The following SCFD2 variants were observed in gnomAD, a reference collection of about 807,000 sequenced individuals.
The protein encoded by SCFD2 is sec1 family domain-containing protein 2.
SCFD2 carries 54 observed loss-of-function variants against 58.9 expected under a neutral mutation model. The ratio of observed to expected loss-of-function variants is 0.92; its 90% CI spans 0.74 to 1.15. SCFD2 has a LOEUF of 1.15. Ranked by LOEUF, SCFD2 falls within the 50% of genes most tolerant of loss-of-function variation. The pLI, the probability that SCFD2 is intolerant of heterozygous loss-of-function variation, is 0.00. For missense variants in SCFD2, 805 were observed against 836.6 expected, an observed-to-expected ratio of 0.96 and a Z score of 0.47; for synonymous variants, 321 against 335.9, an observed-to-expected ratio of 0.96 and a Z score of 0.49.
intron 5 of SCFD2, among the ~76,000 whole-genome samples, chr4:52,943,992 A>C (rs1012060753): frequency 6.6e-6 from 1 of 152,200 alleles, no homozygotes; most frequent in African/African-American, 2.4e-5. Context: ...AGGATGTCAA[A>C]ATGTTAAAAG....
chr4:53,191,968 TAACAGGGG>T (rs1727927628), intron 4 of SCFD2, among the ~76,000 whole-genome samples: 1 of 152,172 alleles, frequency 6.6e-6, no homozygotes, highest in South Asian at 2.1e-4. Flanking sequence ...CCACATGCCT[TAACAGGGG>T]AACAGTAATA....
At chr4:53,218,056 C>G (rs991107100) in intron 4 of SCFD2, among the ~76,000 whole-genome samples, 5 of 152,200 alleles carry the variant, frequency 3.3e-5, no homozygotes, top group African/African-American at 1.2e-4. Context: ...CCCGACCTTT[C>G]TCTCTGGCTG....
chr4:52,962,512 G>A (rs1380098777), intron 5 of SCFD2, among the ~76,000 whole-genome samples: 2 of 152,184 alleles, frequency 1.3e-5, no homozygotes, highest in Admixed American at 1.3e-4. Context: ...TCTCCTGAAG[G>A]TAGCACATTT....
At chr4:52,966,974 T>G (rs879654292) in intron 5 of SCFD2, among the ~76,000 whole-genome samples, 1 of 152,214 alleles carries the variant, frequency 6.6e-6, no homozygotes, top group Non-Finnish European at 1.5e-5. Flanking sequence ...AAGGCTGAAT[T>G]CTTGACCCAT....
intron 5 of SCFD2, among the ~76,000 whole-genome samples, chr4:53,045,980 C>A (rs1723028654): frequency 6.6e-6 from 1 of 151,998 alleles, no homozygotes; most frequent in African/African-American, 2.4e-5. Flanking sequence ...TGCTAACCAT[C>A]CCATCTTAAA....
chr4:53,090,073 A>T (rs992865960), intron 5 of SCFD2, among the ~76,000 whole-genome samples: 8 of 152,206 alleles, frequency 5.3e-5, no homozygotes, highest in African/African-American at 1.9e-4. Flanking sequence ...TTTGCAATGG[A>T]AAACAAGCTG....
chr4:53,236,216 C>A (rs4864734), intron 4 of SCFD2, among the ~76,000 whole-genome samples: 67,655 of 151,432 alleles, frequency 0.45, 16,067 homozygotes, highest in Admixed American at 0.52. Context: ...GCCTCTCAGC[C>A]TACATCTTTC....
At chr4:53,023,825 T>C (rs1722406266) in intron 5 of SCFD2, among the ~76,000 whole-genome samples, 1 of 152,178 alleles carries the variant, frequency 6.6e-6, no homozygotes, top group Non-Finnish European at 1.5e-5. Context: ...AACCTGAAGA[T>C]GGACAGTAGC....
intron 2 of SCFD2, among the ~76,000 whole-genome samples, chr4:53,345,753 A>G (rs1457218285): frequency 6.6e-6 from 1 of 152,186 alleles, no homozygotes; most frequent in Non-Finnish European, 1.5e-5. Context: ...TACACCATGG[A>G]ATACTATGCA....
intron 5 of SCFD2, among the ~76,000 whole-genome samples, chr4:52,996,398 G>A (rs1057299856): frequency 2.0e-5 from 3 of 152,240 alleles, no homozygotes; most frequent in African/African-American, 7.2e-5. Flanking sequence ...CCTGTGCAGG[G>A]CACATTGGAA....
At chr4:53,331,247 T>C (rs1301672598) in intron 2 of SCFD2, among the ~76,000 whole-genome samples, 1 of 151,150 alleles carries the variant, frequency 6.6e-6, no homozygotes, top group East Asian at 1.9e-4. Flanking sequence ...CAAGCGGACC[T>C]AATAGACATC....
chr4:53,082,453 T>C (rs1253832064), intron 5 of SCFD2, among the ~76,000 whole-genome samples: 2 of 152,186 alleles, frequency 1.3e-5, no homozygotes, highest in Non-Finnish European at 2.9e-5. Context: ...TAGTGGCTAA[T>C]GAATCTGAGC....
intron 5 of SCFD2, among the ~76,000 whole-genome samples, chr4:52,964,440 A>G (rs1055901501): frequency 6.6e-6 from 1 of 152,200 alleles, no homozygotes; most frequent in Non-Finnish European, 1.5e-5. Flanking sequence ...ATATTTTACT[A>G]TACCAAAAGG....
intron 5 of SCFD2, among the ~76,000 whole-genome samples, chr4:52,947,968 C>CAAAAAAAAAAAAAAAAA (rs34494471): frequency 5.7e-5 from 2 of 35,202 alleles, no homozygotes; most frequent in African/African-American, 1.0e-4. Context: ...AAAAATAGGC[C>CAAAAAAAAAAAAAAAAA]AAAAAAAAAA....
chr4:53,266,884 C>A (rs1731000859), intron 4 of SCFD2, among the ~76,000 whole-genome samples: 1 of 152,070 alleles, frequency 6.6e-6, no homozygotes, highest in Non-Finnish European at 1.5e-5. Flanking sequence ...TTAGATTTTC[C>A]CCAAGAATAC....
At chr4:53,331,457 C>A (rs1238843231) in intron 2 of SCFD2, among the ~76,000 whole-genome samples, 3 of 152,172 alleles carry the variant, frequency 2.0e-5, no homozygotes, top group Non-Finnish European at 2.9e-5. Flanking sequence ...CAAAACCGCT[C>A]AACTACATGG....
intron 4 of SCFD2, among the ~76,000 whole-genome samples, chr4:53,168,437 C>T (rs1727079769): frequency 6.6e-6 from 1 of 152,086 alleles, no homozygotes; most frequent in Non-Finnish European, 1.5e-5. Context: ...CACAAAAAAG[C>T]AAGTCATGAA....
intron 5 of SCFD2, among the ~76,000 whole-genome samples, chr4:53,109,394 C>G (rs4864445): frequency 0.82 from 125,058 of 152,020 alleles, 53,001 homozygotes; most frequent in Non-Finnish European, 0.92. Flanking sequence ...AATAAATAAA[C>G]GGTATTCAAA....
chr4:53,336,712 G>A (rs1733696063), intron 2 of SCFD2, among the ~76,000 whole-genome samples: 4 of 151,900 alleles, frequency 2.6e-5, no homozygotes, highest in Admixed American at 2.6e-4. Flanking sequence ...ACGGAGTCTT[G>A]GTATGTTGCC....
Sources: gnomAD v4.1 joint callset for allele counts (sites outside exome capture counted in the v4.1 genomes callset) on GRCh38, gnomAD v4.1.1 for gene constraint, MANE v1.5 for transcripts, NCBI Gene and HGNC (gene_info 2026-07-23, HGNC 2026-07-21) for gene names.